Variants in PCDH9 observed in about 807,000 individuals in gnomAD.
The protein encoded by PCDH9 is protocadherin-9.
In PCDH9, 24 loss-of-function variants were observed where a neutral mutation model predicts 70.6. The observed-to-expected ratio is 0.34, with a 90% CI of 0.25 to 0.48. The LOEUF (loss-of-function observed/expected upper bound fraction) is 0.48. PCDH9 is among the 20% of genes least tolerant of loss of function. The pLI is 0.99. For synonymous variants in PCDH9, 562 were observed against 558.5 expected (o/e 1.01, Z -0.09); for missense variants, 1,281 against 1,503.6 (o/e 0.85, Z 2.45).
intron 2 of PCDH9, among the ~76,000 whole-genome samples, chr13:67,184,100 C>T (rs1023299498): frequency 1.1e-4 from 17 of 151,958 alleles, no homozygotes; most frequent in African/African-American, 3.9e-4. Context: ...ATGTTTCATG[C>T]GCAAAAAATA....
intron 2 of PCDH9, among the ~76,000 whole-genome samples, chr13:67,057,128 G>A (rs1281713516): frequency 6.6e-6 from 1 of 152,054 alleles, no homozygotes; most frequent in African/African-American, 2.4e-5. Context: ...CTCAACTCAG[G>A]ACACACTATT....
intron 3 of PCDH9, among the ~76,000 whole-genome samples, chr13:66,786,549 A>C (rs1485793130): frequency 1.3e-5 from 2 of 152,222 alleles, no homozygotes; most frequent in Admixed American, 1.3e-4. Context: ...ATCTGATTGC[A>C]TCAAGATATT....
At chr13:66,857,281 G>A (rs1044765789) in intron 3 of PCDH9, among the ~76,000 whole-genome samples, 13 of 152,002 alleles carry the variant, frequency 8.6e-5, no homozygotes, top group East Asian at 5.8e-4. Context: ...TATGTTTCAC[G>A]TTTGAAGTTC....
chr13:66,905,424 A>C (rs1292714314), intron 2 of PCDH9, among the ~76,000 whole-genome samples: 1 of 152,128 alleles, frequency 6.6e-6, no homozygotes, highest in Admixed American at 6.6e-5. Flanking sequence ...GATTTTTAAA[A>C]ATGTCAATGA....
chr13:66,396,021 G>A (rs1266419223), intron 4 of PCDH9, among the ~76,000 whole-genome samples: 1 of 152,116 alleles, frequency 6.6e-6, no homozygotes, highest in Non-Finnish European at 1.5e-5. Context: ...GAAGGAGGCA[G>A]ATATAAACAA....
Position 66,601,910 on chromosome 13 carries a change from A to G in PCDH9, c.3340+29300T>C, listed in dbSNP as rs1201860521. ...AAGTATGGCACATATAATTATATAC[A>G]GTGCATAATACTTGATAATGATAAT... On this transcript the variant is annotated intron_variant, in intron 4 of 4. Coordinates refer to ENST00000377865, the MANE Select transcript of PCDH9 (RefSeq NM_203487.3). 2.0e-5 allele frequency among the ~76,000 whole-genome samples: 3 copies of G among 146,426 alleles called. No individual in the cohort carries two copies. The East Asian group carries it at 5.8e-4, about 28-fold the overall frequency.
intron 3 of PCDH9, among the ~76,000 whole-genome samples, chr13:66,635,925 G>T (rs76824840): frequency 0.019 from 2,887 of 152,174 alleles, 92 homozygotes; most frequent in African/African-American, 0.065. Context: ...ATCCTGTAAA[G>T]ATCACACCAT....
intron 3 of PCDH9, among the ~76,000 whole-genome samples, chr13:66,849,577 G>C (rs2081281824): frequency 7.0e-6 from 1 of 142,572 alleles, no homozygotes; most frequent in African/African-American, 2.6e-5. Flanking sequence ...TGCCTTTAAG[G>C]CATGAGTGGG....
intron 4 of PCDH9, among the ~76,000 whole-genome samples, chr13:66,583,419 T>C (rs2076920588): frequency 6.6e-6 from 1 of 152,070 alleles, no homozygotes; most frequent in Non-Finnish European, 1.5e-5. Flanking sequence ...GAGATCATCC[T>C]GGCTAACACA....
At chr13:66,483,088 C>A (rs931687126) in intron 4 of PCDH9, among the ~76,000 whole-genome samples, 4 of 152,242 alleles carry the variant, frequency 2.6e-5, no homozygotes, top group African/African-American at 7.2e-5. Context: ...AAAAAATATT[C>A]TTTGTGACTC....
rs73212022 is a variant in PCDH9, at chr13:66,837,600, G to A, written c.3138+65904C>T. ...TCTCTAAATTAAGTAACGAGGAAGG[G>A]AAGGAGGAGAACAACACTGTGTAGG... On this transcript the variant is annotated intron_variant, in intron 3 of 4. Transcript: ENST00000377865. Among the ~76,000 whole-genome samples the A allele has an allele frequency of 9.9e-3, 1,502 of 152,262 alleles. 12 individuals are homozygous for A. Among genetic ancestry groups the A allele is most frequent in the Non-Finnish European group, 0.016 (1,112 of 68,014 alleles).
intron 2 of PCDH9, among the ~76,000 whole-genome samples, chr13:67,026,678 C>T (rs1310528053): frequency 1.3e-5 from 2 of 151,814 alleles, no homozygotes; most frequent in Non-Finnish European, 2.9e-5. Context: ...TTGTCTCAGC[C>T]CAAAATCTCC....
chr13:66,756,324 A>G (rs1259212035), intron 3 of PCDH9, among the ~76,000 whole-genome samples: 1 of 152,222 alleles, frequency 6.6e-6, no homozygotes, highest in South Asian at 2.1e-4. Flanking sequence ...ATGAATTGGT[A>G]TTTTGTAAAC....
chr13:66,329,808 T>C (rs1167630794), intron 4 of PCDH9, among the ~76,000 whole-genome samples: 2 of 152,104 alleles, frequency 1.3e-5, no homozygotes, highest in East Asian at 3.9e-4. Context: ...AAATAGGCCT[T>C]TCTAAAATGA....
At chr13:67,098,000 C>T (rs73212710) in intron 2 of PCDH9, among the ~76,000 whole-genome samples, 9 of 152,292 alleles carry the variant, frequency 5.9e-5, no homozygotes, top group Non-Finnish European at 1.2e-4. Context: ...ACCATTCTTA[C>T]AGATTTGGTT....
intron 3 of PCDH9, among the ~76,000 whole-genome samples, chr13:66,838,731 G>C (rs1351447480): frequency 6.6e-6 from 1 of 151,966 alleles, no homozygotes; most frequent in South Asian, 2.1e-4. Context: ...AAATATAAGT[G>C]TTGTGACTTT....
intron 4 of PCDH9, among the ~76,000 whole-genome samples, chr13:66,606,781 T>C (rs796452666): frequency 1.3e-5 from 2 of 152,178 alleles, no homozygotes; most frequent in African/African-American, 4.8e-5. Context: ...TCCTCCTAGA[T>C]TGAGTAGCAG....
chr13:66,981,267 T>C (rs2083761092), intron 2 of PCDH9, among the ~76,000 whole-genome samples: 1 of 151,746 alleles, frequency 6.6e-6, no homozygotes, highest in Non-Finnish European at 1.5e-5. Context: ...TGAAACTCCG[T>C]CTCTACTAAA....
chr13:66,902,825 A>T (rs923868293), intron 3 of PCDH9, among the ~76,000 whole-genome samples: 1 of 151,776 alleles, frequency 6.6e-6, no homozygotes, highest in Admixed American at 6.6e-5. Flanking sequence ...TTAAAAAAAA[A>T]TACATGAAAG....
Sources: allele counts gnomAD v4.1 joint callset (sites outside exome capture counted in the v4.1 genomes callset), GRCh38; gene constraint gnomAD v4.1.1; transcripts MANE v1.5; gene names NCBI Gene and HGNC (gene_info 2026-07-23, HGNC 2026-07-21).